Variants in ATP8B4 observed in about 807,000 individuals in gnomAD.
The protein encoded by ATP8B4 is probable phospholipid-transporting ATPase IM.
A neutral mutation model predicts 145.6 loss-of-function variants in ATP8B4; 133 were observed. The ratio of observed to expected loss-of-function variants is 0.91; its 90% CI spans 0.79 to 1.05. The LOEUF is 1.05. ATP8B4 is among the 50% of genes least tolerant of loss of function. ATP8B4 has a pLI of 0.00. For missense variants in ATP8B4, 1,458 were observed against 1,425.2 expected (o/e 1.02, Z -0.37); for synonymous variants, 507 against 492.9 (o/e 1.03, Z -0.38).
At chr15:49,969,725 C>G (rs1400674063) in intron 13 of ATP8B4, among the ~76,000 whole-genome samples, 1 of 152,162 alleles carries the variant, frequency 6.6e-6, no homozygotes, top group African/African-American at 2.4e-5. Context: ...CCTTCTGAAA[C>G]TATTCCAAAC....
At position 49,917,175 on chromosome 15, in the gene ATP8B4, G is replaced by T. The variant is rs1316670927; in HGVS notation, c.2036-136C>A. 5 of 731,640 alleles carry T rather than the reference G, an allele frequency of 6.8e-6. No homozygotes were observed. The Admixed American group carries it at 1.0e-4, about 15-fold the overall frequency. 45.3% of individuals were successfully genotyped at this position (731,640 alleles called of 1,614,324 possible). ...TGATGTCAGAGAGAGCACAACAGGT[G>T]ATAAAATACAAGCAGTGCAGAGGGA... On this transcript the variant is annotated intron_variant, in intron 19 of 27. Coordinates refer to ENST00000284509, the MANE Select transcript of ATP8B4 (RefSeq NM_024837.4).
At chr15:49,916,796 A>G (rs1336852988) in intron 20 of ATP8B4, 138 bp downstream of exon 20, 1 of 674,080 alleles carries the variant, frequency 1.5e-6, no homozygotes, top group Non-Finnish European at 2.3e-6. Flanking sequence ...GAAGTTTAGG[A>G]AACATGCACA....
chr15:49,999,173 GCACATATA>G (rs2047682170), intron 8 of ATP8B4, among the ~76,000 whole-genome samples: 1 of 151,966 alleles, frequency 6.6e-6, no homozygotes, highest in Non-Finnish European at 1.5e-5. Flanking sequence ...AGAAAATGTG[GCACATATA>G]CACCATGGAA....
At chr15:50,064,560 C>T (rs536657436) in intron 3 of ATP8B4, among the ~76,000 whole-genome samples, 3 of 152,282 alleles carry the variant, frequency 2.0e-5, no homozygotes, top group African/African-American at 4.8e-5. Flanking sequence ...AAATATATAG[C>T]CCAAGTCTTG....
chr15:50,061,332 G>A (rs1400251940), intron 3 of ATP8B4, among the ~76,000 whole-genome samples: 4 of 152,126 alleles, frequency 2.6e-5, no homozygotes, highest in Non-Finnish European at 4.4e-5. Context: ...GAAGCAAGAA[G>A]GAGCATAACA....
intron 1 of ATP8B4, among the ~76,000 whole-genome samples, chr15:50,111,371 T>C (rs1006325258): frequency 7.9e-5 from 12 of 152,270 alleles, no homozygotes; most frequent in African/African-American, 2.9e-4. Flanking sequence ...CTGGTTCTCC[T>C]GACAGTTAGA....
rs776580979 is a variant in ATP8B4 at position 49,897,418 on chromosome 15, A to G, written c.2571T>C (p.Leu857=). The change falls in exon 23 of 28, where the codon CTT becomes CTC. Residue 857 remains leucine, a synonymous_variant. Transcript: ENST00000284509. ...SFAQFRYLQR[L]LLVHGRWSYF... ...AAGACCACCTTCCATGAACAAGGAG[A>G]AGCCTTTGGAGATATCTAAACTGTG... The G allele has an allele frequency of 9.9e-6, 16 of 1,613,936 alleles. No homozygotes were observed. Among genetic ancestry groups the G allele is most frequent in the Non-Finnish European group, 1.1e-5 (13 of 1,179,874 alleles).
intron 10 of ATP8B4, among the ~76,000 whole-genome samples, chr15:49,985,192 G>C (rs2046488145): frequency 2.0e-5 from 3 of 151,862 alleles, no homozygotes; most frequent in African/African-American, 7.3e-5. Flanking sequence ...CACCTCCCAG[G>C]TTCATGCCAT....
chr15:50,158,469 G>A (rs34856723), intron 1 of ATP8B4, among the ~76,000 whole-genome samples: 32,371 of 149,640 alleles, frequency 0.22, 4,279 homozygotes, highest in Non-Finnish European at 0.3. Context: ...CAGCCGCCCC[G>A]TCCGGGAGGG....
chr15:49,869,615 C>T (rs1056995820), intron 25 of ATP8B4, among the ~76,000 whole-genome samples: 11 of 152,058 alleles, frequency 7.2e-5, no homozygotes, highest in South Asian at 2.1e-4. Flanking sequence ...TTGAAACACA[C>T]GGAAAACTTA....
chr15:49,952,692 A>G (rs895290328), intron 14 of ATP8B4, among the ~76,000 whole-genome samples: 1 of 152,148 alleles, frequency 6.6e-6, no homozygotes, highest in Non-Finnish European at 1.5e-5. Context: ...TGAAGCCTAC[A>G]TCTACCAATT....
chr15:49,967,022 G>A (rs2044614609), intron 13 of ATP8B4, among the ~76,000 whole-genome samples: 1 of 152,200 alleles, frequency 6.6e-6, no homozygotes, highest in Non-Finnish European at 1.5e-5. Context: ...ACCTGCAGCT[G>A]AGGGGCCTGA....
chr15:50,138,326 G>GTAGGTAGATAGA (rs1555496744), intron 1 of ATP8B4, among the ~76,000 whole-genome samples: 1,531 of 148,194 alleles, frequency 0.01, 11 homozygotes, highest in Middle Eastern at 0.014. Flanking sequence ...AGATAGATAG[G>GTAGGTAGATAGA]TAGATAGATA....
intron 6 of ATP8B4, among the ~76,000 whole-genome samples, chr15:50,026,581 G>T (rs781716424): frequency 1.2e-4 from 18 of 152,178 alleles, no homozygotes; most frequent in Non-Finnish European, 2.4e-4. Context: ...CTATACATAA[G>T]ATTTCATTTG....
chr15:49,996,601 T>C (rs2047446666), intron 9 of ATP8B4, 76 bp downstream of exon 9: 2 of 1,165,252 alleles, frequency 1.7e-6, no homozygotes, highest in Admixed American at 2.0e-5. Flanking sequence ...GAAACATAAA[T>C]TGGATCTCAC....
chr15:50,145,297 T>C (rs11070752), intron 1 of ATP8B4, among the ~76,000 whole-genome samples: 50,515 of 152,162 alleles, frequency 0.33, 9,380 homozygotes, highest in Middle Eastern at 0.49. Flanking sequence ...TTGCTGTTTA[T>C]AGTATCTTGT....
chr15:50,060,984 G>T (rs141474815), intron 3 of ATP8B4, among the ~76,000 whole-genome samples: 1 of 152,226 alleles, frequency 6.6e-6, no homozygotes, highest in Non-Finnish European at 1.5e-5. Flanking sequence ...ACAAATCCAA[G>T]GGAGTCCCAT....
At chr15:49,980,984 C>A (rs951392331) in intron 11 of ATP8B4, among the ~76,000 whole-genome samples, 1 of 152,180 alleles carries the variant, frequency 6.6e-6, no homozygotes, top group Non-Finnish European at 1.5e-5. Context: ...ACCATGAATA[C>A]CTCCATAAAC....
In ATP8B4 at chr15:50,158,667, G is replaced by A. The variant is rs577344672; in HGVS notation, c.-43+23594C>T. Among the ~76,000 whole-genome samples, 4 of 152,368 alleles carry A rather than the reference G, an allele frequency of 2.6e-5. No homozygotes were observed. In the East Asian group the frequency reaches 7.7e-4, roughly 29 times the overall value. On this transcript the variant is annotated intron_variant, in intron 1 of 3. Transcript: ENST00000558829. Reference sequence around the variant, plus strand: ...GGCGGTTTTGTGGAATAGAAAAGGGGGAAAGGTGGGGAAAAGATTGAGAAA... The same window carrying A: ...GGCGGTTTTGTGGAATAGAAAAGGGAGAAAGGTGGGGAAAAGATTGAGAAA...
Sources: allele counts gnomAD v4.1 joint callset (sites outside exome capture counted in the v4.1 genomes callset), GRCh38; gene constraint gnomAD v4.1.1; transcripts MANE v1.5; gene names NCBI Gene and HGNC (gene_info 2026-07-23, HGNC 2026-07-21).